Variants in WNK1 observed in about 807,000 individuals in gnomAD.
The protein encoded by WNK1 is WNK lysine deficient protein kinase 1, also known as serine/threonine-protein kinase WNK1.
WNK1 carries 38 observed loss-of-function variants against 222.8 expected under a neutral mutation model. The observed-to-expected ratio is 0.17, with a 90% confidence interval of 0.13 to 0.22. The LOEUF (loss-of-function observed/expected upper bound fraction) is 0.22, where lower values mean the gene tolerates loss of function less well. Among genes scored for constraint, WNK1 ranks in the 10% least tolerant of loss-of-function variants. The probability of loss-of-function intolerance (pLI) is 1.00; values close to 1 mark genes in which losing one functional copy is unlikely to be tolerated. For synonymous variants in WNK1, 1,090 were observed against 1,092.9 expected, an observed-to-expected ratio of 1.00 and a Z score of 0.05; for missense variants, 2,348 against 2,918.4, an observed-to-expected ratio of 0.80 and a Z score of 4.50.
At chr12:888,849 CTCTT>C (rs757289142) in intron 20 of WNK1, among the ~76,000 whole-genome samples, 3 of 152,202 alleles carry the variant, frequency 2.0e-5, no homozygotes, top group Non-Finnish European at 4.4e-5. Flanking sequence ...AAATAAATAA[CTCTT>C]TCTACCGTTT....
In WNK1 at chr12:794,412, C is replaced by T. The variant is rs143144032; in HGVS notation, c.760-19230C>T. Reference sequence around the variant, plus strand: ...TCCAATTTCTTTACATCTTCATCTGCGCTAATAAGGTTAAGCATAATGTTA... The same window carrying T: ...TCCAATTTCTTTACATCTTCATCTGTGCTAATAAGGTTAAGCATAATGTTA... On this transcript the variant is annotated intron_variant, in intron 1 of 27. Transcript: ENST00000315939. 3.1e-3 allele frequency among the ~76,000 whole-genome samples: 467 copies of T among 152,084 alleles called. 2 individuals are homozygous for T. The highest frequency in any genetic ancestry group is 0.011 in the African/African-American group (449 of 41,486).
At chr12:886,340 A>G (rs1343789933) in intron 19 of WNK1, among the ~76,000 whole-genome samples, 1 of 152,202 alleles carries the variant, frequency 6.6e-6, no homozygotes, top group Non-Finnish European at 1.5e-5. Context: ...GGTAAAATAC[A>G]GGTATTTCTT....
chr12:823,163 G>A (rs1457543814), intron 2 of WNK1, among the ~76,000 whole-genome samples: 1 of 152,068 alleles, frequency 6.6e-6, no homozygotes, highest in Non-Finnish European at 1.5e-5. Flanking sequence ...ATCTTATTGA[G>A]GATCCCATGG....
At chr12:868,525 C>T (rs1338301175) in intron 8 of WNK1, 1 of 1,613,940 alleles carries the variant, frequency 6.2e-7, no homozygotes, top group Non-Finnish European at 8.5e-7. Context: ...CTGCACCTAT[C>T]AGTACAGATG....
chr12:868,180 C>G (rs1329090266), intron 8 of WNK1: 2 of 1,613,904 alleles, frequency 1.2e-6, no homozygotes, highest in Non-Finnish European at 1.7e-6. Flanking sequence ...AGATACAGGT[C>G]CATCCTATGT....
chr12:832,811 ACT>A (rs1948897160), intron 4 of WNK1, among the ~76,000 whole-genome samples: 1 of 152,126 alleles, frequency 6.6e-6, no homozygotes, highest in African/African-American at 2.4e-5. Flanking sequence ...TGAAGCACTG[ACT>A]CTCAATTTGG....
chr12:908,126 C>T (rs746852651), intron 27 of WNK1, 92 bp downstream of exon 27: 46 of 1,434,358 alleles, frequency 3.2e-5, no homozygotes, highest in South Asian at 8.3e-5. Flanking sequence ...TCTTACGCCA[C>T]GACCTTCTTC....
chr12:848,196 T>TGACCAC lies in WNK1; in HGVS notation c.1312-8963_1312-8962insCCACGA, dbSNP rs1228937809. 2.0e-5 allele frequency among the ~76,000 whole-genome samples: 3 copies of TGACCAC among 152,224 alleles called. No individual in the cohort carries two copies. In the East Asian group the frequency reaches 5.8e-4, roughly 29 times the overall value. ...CTTAATCTGGTTTATTCTAGATCTG[T>TGACCAC]GATCCTGTGGTCATTTAGTAGGTGT... On this transcript the variant is annotated intron_variant, in intron 4 of 27. Coordinates refer to ENST00000315939, the MANE Select transcript of WNK1 (RefSeq NM_018979.4).
chr12:757,752 A>C (rs1436686415), intron 1 of WNK1, among the ~76,000 whole-genome samples: 1 of 138,778 alleles, frequency 7.2e-6, no homozygotes, highest in African/African-American at 2.5e-5. Flanking sequence ...GAAAACATTG[A>C]TGGAGCCGGG....
At position 760,325 on chromosome 12, in the gene WNK1, A is replaced by G. The variant is rs893833801; in HGVS notation, c.759+6001A>G. Among the ~76,000 whole-genome samples the G allele has an allele frequency of 1.4e-4, 20 of 147,674 alleles. 1 individual carries two copies. The highest frequency in any genetic ancestry group is 2.6e-4 in the Non-Finnish European group (17 of 66,096). On this transcript the variant is annotated intron_variant, in intron 1 of 27. Transcript: ENST00000315939. ...TCCATTAGTCTTTGGAAAGTTCACT[A>G]TGGTGTAATAGAATACTATACAATG... is the stretch of plus-strand genomic sequence containing the variant.
At chr12:854,395 T>A (rs1950627359) in intron 4 of WNK1, among the ~76,000 whole-genome samples, 1 of 137,108 alleles carries the variant, frequency 7.3e-6, no homozygotes, top group Admixed American at 7.6e-5. Flanking sequence ...GTTTGCTCAG[T>A]CACCCAGGCT....
Position 884,090 on chromosome 12 carries a change from AAGTT to A in WNK1, c.3722-29_3722-26del. On this transcript the variant is annotated intron_variant, in intron 17 of 27. Coordinates refer to ENST00000315939, the MANE Select transcript of WNK1 (RefSeq NM_018979.4). This position sits in a 1 kb window ranked among gnomAD's most constrained non-coding sequence, Gnocchi z 5.6. ...CAATATTTATAATAATAATGCTATTAAGTTACGTTTGTTTGTTTGTTTTTGACCA... is the reference window on the plus strand; with the variant it reads ...CAATATTTATAATAATAATGCTATTAACGTTTGTTTGTTTGTTTTTGACCA... 1 of 1,613,634 alleles carries A rather than the reference AAGTT, an allele frequency of 6.2e-7. No homozygotes were observed. Among genetic ancestry groups the A allele is most frequent in the Non-Finnish European group, 8.5e-7 (1 of 1,179,734 alleles).
chr12:756,430 C>A (rs759616160), intron 1 of WNK1, among the ~76,000 whole-genome samples: 2 of 152,148 alleles, frequency 1.3e-5, no homozygotes, highest in African/African-American at 4.8e-5. Flanking sequence ...ATTTTTAATT[C>A]TCTATCTAGG....
At chr12:879,061 A>G (rs1315936062) in intron 10 of WNK1, among the ~76,000 whole-genome samples, 3 of 152,190 alleles carry the variant, frequency 2.0e-5, no homozygotes, top group African/African-American at 7.2e-5. Flanking sequence ...TCCTAGAATG[A>G]GTGAAATATG....
chr12:899,683 C>T (rs1379028330), intron 25 of WNK1, among the ~76,000 whole-genome samples: 1 of 152,150 alleles, frequency 6.6e-6, no homozygotes, highest in Non-Finnish European at 1.5e-5. Context: ...GGACAACCGA[C>T]CTATTGAAAG....
chr12:868,696 C>G, intron 8 of WNK1: 1 of 1,613,888 alleles, frequency 6.2e-7, no homozygotes, highest in Non-Finnish European at 8.5e-7. Context: ...AGCGTGTTTA[C>G]CGAAATCGGC....
chr12:823,260 G>A (rs1948055458), intron 2 of WNK1, among the ~76,000 whole-genome samples: 1 of 152,118 alleles, frequency 6.6e-6, no homozygotes, highest in African/African-American at 2.4e-5. Context: ...TCTCATTGTG[G>A]ATCTATTTGC....
chr12:883,935 C>T (rs536694792), intron 17 of WNK1, 104 bp downstream of exon 17: 38 of 1,511,228 alleles, frequency 2.5e-5, no homozygotes, highest in African/African-American at 1.9e-4. Context: ...GGCCGAGGCA[C>T]GAGAATCGCT....
intron 1 of WNK1, among the ~76,000 whole-genome samples, chr12:804,722 TC>T (rs953016065): frequency 3.5e-4 from 53 of 152,080 alleles, no homozygotes; most frequent in African/African-American, 1.1e-3. Context: ...TTGTCCCCTT[TC>T]CCTGGTCCCT....
Sources: allele counts gnomAD v4.1 joint callset (sites outside exome capture counted in the v4.1 genomes callset), GRCh38; gene constraint gnomAD v4.1.1; non-coding constraint Gnocchi (gnomAD v3.1); transcripts MANE v1.5; gene names NCBI Gene and HGNC (gene_info 2026-07-23, HGNC 2026-07-21).